Variants in ERC1 observed in about 807,000 individuals in gnomAD.
ERC1 encodes the protein ELKS/RAB6-interacting/CAST family member 1, also known as RAB6 interacting protein 2.
In ERC1, 56 loss-of-function variants were observed where a neutral mutation model predicts 132.0. The ratio of observed to expected loss-of-function variants is 0.42; its 90% CI spans 0.34 to 0.53. The LOEUF is 0.53. Among genes scored for constraint, ERC1 ranks in the 20% least tolerant of loss-of-function variants. The pLI is 0.03. For missense variants in ERC1, 1,202 were observed against 1,349.9 expected (o/e 0.89, Z 1.72); for synonymous variants, 478 against 476.1 (o/e 1.00, Z -0.05).
At chr12:1,112,555 T>C (rs1946006991) in intron 6 of ERC1, among the ~76,000 whole-genome samples, 1 of 152,228 alleles carries the variant, frequency 6.6e-6, no homozygotes, top group South Asian at 2.1e-4. Context: ...TTTGTCACTC[T>C]GTGGATGGTA....
At position 1,099,519 on chromosome 12, in the gene ERC1, T is replaced by C. The variant is rs546396872; in HGVS notation, c.1087-5231T>C. 5.3e-5 allele frequency among the ~76,000 whole-genome samples: 8 copies of C among 152,372 alleles called. No individual in the cohort carries two copies. In the South Asian group the frequency reaches 1.2e-3, roughly 24 times the overall value. ...ATCCCAAGACTACGTCAGGATCTCC[T>C]AATTACTCTCTTACAGTATTGTGGA... On this transcript the variant is annotated intron_variant, in intron 3 of 18. Coordinates refer to ENST00000360905, the MANE Select transcript of ERC1 (RefSeq NM_178040.4).
At chr12:1,001,278 G>A (rs1467346902) in intron 1 of ERC1, among the ~76,000 whole-genome samples, 5 of 152,052 alleles carry the variant, frequency 3.3e-5, no homozygotes, top group African/African-American at 4.8e-5. Flanking sequence ...GGCTGGCATC[G>A]AATTCATAGC....
At chr12:1,171,245 T>G (rs1047631913) in intron 8 of ERC1, among the ~76,000 whole-genome samples, 4 of 152,140 alleles carry the variant, frequency 2.6e-5, no homozygotes, top group Non-Finnish European at 4.4e-5. Flanking sequence ...AAATTGAATT[T>G]AAAACATTGC....
chr12:1,442,199 T>C (rs1376589784), intron 17 of ERC1, among the ~76,000 whole-genome samples: 1 of 152,068 alleles, frequency 6.6e-6, no homozygotes. Flanking sequence ...AAGTGCTGAG[T>C]TTACAGGCAT....
intron 12 of ERC1, among the ~76,000 whole-genome samples, chr12:1,231,132 C>T (rs1329813332): frequency 2.1e-5 from 3 of 144,572 alleles, no homozygotes; most frequent in Non-Finnish European, 4.6e-5. Context: ...TTGCTGCCTT[C>T]CTTTCTGATT....
At chr12:990,518 T>G (rs893425765), upstream of ERC1, 5 of 152,194 alleles carry the variant, frequency 3.3e-5, no homozygotes, top group African/African-American at 9.7e-5. Flanking sequence ...GGTCGGAACG[T>G]GGACACTAAT....
In ERC1 at chr12:1,015,351, G is replaced by A. The variant is rs188905853; in HGVS notation, c.-156-12397G>A. Among the ~76,000 whole-genome samples, 30 of 152,206 alleles carry A rather than the reference G, an allele frequency of 2.0e-4. 1 individual carries two copies. Among genetic ancestry groups the A allele is most frequent in the Admixed American group, 1.9e-3 (29 of 15,286 alleles). ...TGGGATTACAAGTATGAGCCACCAT[G>A]CCTGGCCATTGTTTTTCTTTTCTTT... is the stretch of plus-strand genomic sequence containing the variant. On this transcript the variant is annotated intron_variant, in intron 1 of 18. Coordinates refer to ENST00000360905, the MANE Select transcript of ERC1 (RefSeq NM_178040.4).
chr12:1,118,075 A>G (rs570413490), intron 7 of ERC1, among the ~76,000 whole-genome samples: 3 of 152,314 alleles, frequency 2.0e-5, no homozygotes, highest in South Asian at 4.1e-4. Flanking sequence ...AAACAATCCA[A>G]TTACACTCTT....
At chr12:1,202,148 C>G (rs1303267624) in intron 12 of ERC1, among the ~76,000 whole-genome samples, 1 of 152,138 alleles carries the variant, frequency 6.6e-6, no homozygotes, top group Non-Finnish European at 1.5e-5. Flanking sequence ...TCATAGACTT[C>G]CTTTAAAAGG....
chr12:1,037,948 G>A (rs1394687442), intron 2 of ERC1, among the ~76,000 whole-genome samples: 1 of 151,754 alleles, frequency 6.6e-6, no homozygotes, highest in Non-Finnish European at 1.5e-5. Flanking sequence ...GGAGGCTGAG[G>A]CAGGAGAATA....
In ERC1 at chr12:1,122,522, T is replaced by TTG. The variant is rs368331788; in HGVS notation, c.1569+6489_1569+6490insTG. ...CTATCTCTATCTCTATCTGTGTCTC[T>TTG]ATCTCTATCTCTATCTCTATCTGTG... is the stretch of plus-strand genomic sequence containing the variant. On this transcript the variant is annotated intron_variant, in intron 7 of 18. Coordinates refer to ENST00000360905, the MANE Select transcript of ERC1 (RefSeq NM_178040.4). Among the ~76,000 whole-genome samples the TTG allele has an allele frequency of 1.1e-4, 2 of 18,240 alleles. 1 individual carries two copies. The highest frequency in any genetic ancestry group is 2.6e-4 in the African/African-American group (2 of 7,630). The allele number at this position is 18,240 out of a possible 152,430, so 12.0% of individuals were successfully genotyped here.
At chr12:1,030,801 A>G (rs1458074956) in intron 2 of ERC1, among the ~76,000 whole-genome samples, 2 of 152,194 alleles carry the variant, frequency 1.3e-5, no homozygotes, top group African/African-American at 4.8e-5. Context: ...AGATACACAG[A>G]TATTTACCAT....
chr12:1,226,800 T>C (rs1279537558), intron 12 of ERC1, among the ~76,000 whole-genome samples: 1 of 152,114 alleles, frequency 6.6e-6, no homozygotes, highest in East Asian at 1.9e-4. Context: ...CCTCAGCCTC[T>C]TGAGTAGCTG....
At position 1,306,956 on chromosome 12, in the gene ERC1, G is replaced by A. The variant is rs74850547; in HGVS notation, c.2780+16944G>A. 9.7e-3 allele frequency among the ~76,000 whole-genome samples: 1,477 copies of A among 152,252 alleles called. 23 individuals carry two copies. Among genetic ancestry groups the A allele is most frequent in the African/African-American group, 0.033 (1,379 of 41,542 alleles). On this transcript the variant is annotated intron_variant, in intron 15 of 18. Transcript: ENST00000360905. ...TTGGGAGGTTTCAGATGGAGATACTGTGGGCACATGCCCTCTTCTTCCCAG... is the reference window on the plus strand; with the variant it reads ...TTGGGAGGTTTCAGATGGAGATACTATGGGCACATGCCCTCTTCTTCCCAG...
intron 17 of ERC1, among the ~76,000 whole-genome samples, chr12:1,441,459 T>C (rs2093152876): frequency 6.6e-6 from 1 of 152,228 alleles, no homozygotes; most frequent in Non-Finnish European, 1.5e-5. Context: ...AAATTCTGTT[T>C]TACTATAAGG....
intron 15 of ERC1, among the ~76,000 whole-genome samples, chr12:1,290,272 C>G (rs898084873): frequency 3.3e-5 from 5 of 152,132 alleles, no homozygotes; most frequent in African/African-American, 1.2e-4. Context: ...TCTGAAATTC[C>G]TAAAATCTTC....
intron 13 of ERC1, among the ~76,000 whole-genome samples, chr12:1,242,625 C>G (rs1276490518): frequency 6.6e-6 from 1 of 152,118 alleles, no homozygotes; most frequent in East Asian, 1.9e-4. Flanking sequence ...GCTCCTGTCT[C>G]TAAAGGTTGT....
At chr12:1,427,485 G>C (rs575485506) in intron 17 of ERC1, among the ~76,000 whole-genome samples, 3 of 152,254 alleles carry the variant, frequency 2.0e-5, no homozygotes, top group African/African-American at 7.2e-5. Context: ...TGTGATACAT[G>C]ACAGTAGTGC....
At chr12:991,690 G>C (rs572135659) in intron 1 of ERC1, 6 of 152,154 alleles carry the variant, frequency 3.9e-5, no homozygotes, top group Non-Finnish European at 7.3e-5. Context: ...GGGGAGCGGA[G>C]GGGGGGAGGC....
Sources: allele counts gnomAD v4.1 joint callset (sites outside exome capture counted in the v4.1 genomes callset), GRCh38; gene constraint gnomAD v4.1.1; transcripts MANE v1.5; gene names NCBI Gene and HGNC (gene_info 2026-07-23, HGNC 2026-07-21).